The following UBR4 variants were observed in gnomAD, a reference collection of about 807,000 sequenced individuals.
The protein encoded by UBR4 is E3 ubiquitin-protein ligase UBR4.
In UBR4, 124 loss-of-function variants were observed where a neutral mutation model predicts 575.6. The ratio of observed to expected loss-of-function variants is 0.22; its 90% CI spans 0.19 to 0.25. The LOEUF (loss-of-function observed/expected upper bound fraction) is 0.25. Among genes scored for constraint, UBR4 ranks in the 10% least tolerant of loss-of-function variants. UBR4 has a pLI of 1.00. For missense variants in UBR4, 4,818 were observed against 6,478.8 expected (o/e 0.74, Z 8.80); for synonymous variants, 2,455 against 2,473.7 (o/e 0.99, Z 0.22).
At chr1:19,156,113 A>G (rs1179206699) in intron 42 of UBR4, among the ~76,000 whole-genome samples, 158 bp downstream of exon 42, 1 of 152,152 alleles carries the variant, frequency 6.6e-6, no homozygotes, top group Non-Finnish European at 1.5e-5. Context: ...AGCCTCAAGT[A>G]ATTCTCCACC....
At chr1:19,114,291 G>C (rs1266292163) in intron 75 of UBR4, among the ~76,000 whole-genome samples, 1 of 152,192 alleles carries the variant, frequency 6.6e-6, no homozygotes, top group Non-Finnish European at 1.5e-5. Context: ...ACAATGCTGA[G>C]AGAAGTAACT....
chr1:19,130,002 T>A lies in UBR4; in HGVS notation c.8907-928A>T, dbSNP rs547040965. 3.3e-5 allele frequency among the ~76,000 whole-genome samples: 5 copies of A among 152,288 alleles called. No homozygotes were observed. The East Asian group carries it at 9.6e-4, about 29-fold the overall frequency. ...TTAGCAGGTATCCAGAATATTGTCT[T>A]TTTCTTTTCTTAAAAACAAAATGTT... is the stretch of plus-strand genomic sequence containing the variant. On this transcript the variant is annotated intron_variant, in intron 60 of 105. Coordinates refer to ENST00000375254, the MANE Select transcript of UBR4 (RefSeq NM_020765.3).
chr1:19,191,733 G>A (rs1210000387), intron 11 of UBR4, among the ~76,000 whole-genome samples: 4 of 152,056 alleles, frequency 2.6e-5, no homozygotes, highest in Admixed American at 1.3e-4. Context: ...CTTAGAAAAC[G>A]AAACCTGAAC....
Position 19,128,979 on chromosome 1 carries a change from T to C in UBR4, c.9002A>G (p.Gln3001Arg), listed in dbSNP as rs929536268. Reference sequence around the variant, plus strand: ...AGATCCAGGTGAGCTAAGAGATACCTGCATGTATGGGATGGCCCGGACACC... The same window carrying C: ...AGATCCAGGTGAGCTAAGAGATACCCGCATGTATGGGATGGCCCGGACACC... ...VGGVRAIPYM[Q>R]VILMLTTDLD... The change falls in exon 61 of 106, where the codon CAG (glutamine) becomes CGG (arginine). Residue 3001 changes from glutamine (Q) to arginine (R), a missense_variant and splice_region_variant. Coordinates refer to ENST00000375254, the MANE Select transcript of UBR4 (RefSeq NM_020765.3). 1 of 1,613,924 alleles carries C rather than the reference T, an allele frequency of 6.2e-7. No homozygotes were observed. The highest frequency in any genetic ancestry group is 8.5e-7 in the Non-Finnish European group (1 of 1,179,832).
intron 1 of UBR4, among the ~76,000 whole-genome samples, chr1:19,203,181 G>A (rs2092831973): frequency 6.6e-6 from 1 of 152,100 alleles, no homozygotes; most frequent in Non-Finnish European, 1.5e-5. Context: ...TACTTAGTGA[G>A]TCAATCCCCA....
chr1:19,175,415 T>C (rs1376313109), intron 20 of UBR4, among the ~76,000 whole-genome samples: 1 of 152,174 alleles, frequency 6.6e-6, no homozygotes, highest in Non-Finnish European at 1.5e-5. Context: ...TAAACTTACA[T>C]GCTGTTTCCC....
chr1:19,128,850 A>C lies in UBR4; in HGVS notation c.9003+128T>G, dbSNP rs1570834640. On this transcript the variant is annotated intron_variant, in intron 61 of 105. Coordinates refer to ENST00000375254, the MANE Select transcript of UBR4 (RefSeq NM_020765.3). ...AAGAGCTATAATTTGTAGCTCAAAA[A>C]TTAGATTTCATTATTCTGTGGCCTA... The C allele has an allele frequency of 9.0e-6, 7 of 776,074 alleles. No homozygotes were observed. In the East Asian group the frequency reaches 1.8e-4, roughly 20 times the overall value. The allele number at this position is 776,074 out of a possible 1,614,324, so 48.1% of individuals were successfully genotyped here.
intron 49 of UBR4, among the ~76,000 whole-genome samples, chr1:19,149,079 AG>A (rs919562751): frequency 6.6e-6 from 1 of 152,212 alleles, no homozygotes; most frequent in African/African-American, 2.4e-5. Flanking sequence ...GGCATTTCCT[AG>A]GAGTCCCAAG....
intron 60 of UBR4, among the ~76,000 whole-genome samples, chr1:19,131,829 T>C (rs1464396570): frequency 6.6e-6 from 1 of 152,156 alleles, no homozygotes; most frequent in African/African-American, 2.4e-5. Flanking sequence ...GCCAAGATCA[T>C]GCCAATGCAC....
At chr1:19,162,738 T>G in intron 34 of UBR4, 127 bp from the exon 35 acceptor site, 1 of 1,186,666 alleles carries the variant, frequency 8.4e-7, no homozygotes, top group Non-Finnish European at 1.1e-6. Flanking sequence ...AGAAAAACAG[T>G]GTGTTTTTAT....
At chr1:19,116,475 T>C (rs763206339) in intron 73 of UBR4, among the ~76,000 whole-genome samples, 2 of 151,930 alleles carry the variant, frequency 1.3e-5, no homozygotes, top group Non-Finnish European at 2.9e-5. Context: ...GCAGCCTTCA[T>C]GGCCACGTGT....
intron 91 of UBR4, among the ~76,000 whole-genome samples, 178 bp from the exon 92 acceptor site, chr1:19,096,828 C>A (rs1570413564): frequency 6.6e-6 from 1 of 152,256 alleles, no homozygotes; most frequent in East Asian, 1.9e-4. Context: ...GTCCCACTCT[C>A]AGTAGGAGCT....
intron 81 of UBR4, 50 bp from the exon 82 acceptor site, chr1:19,107,016 G>A (rs1280118833): frequency 2.5e-6 from 4 of 1,601,352 alleles, no homozygotes; most frequent in African/African-American, 1.3e-5. Flanking sequence ...GCACACCTGA[G>A]CCATAGCCCC....
chr1:19,094,206 A>G, intron 94 of UBR4, 67 bp from the exon 95 acceptor site: 2 of 1,319,170 alleles, frequency 1.5e-6, no homozygotes, highest in Non-Finnish European at 2.1e-6. Context: ...CCAACATCTG[A>G]GCCCCAAAAG....
chr1:19,167,332 G>T, intron 28 of UBR4, 101 bp from the exon 29 acceptor site: 1 of 1,267,404 alleles, frequency 7.9e-7, no homozygotes, highest in Non-Finnish European at 1.1e-6. Context: ...AAGAGGGGAA[G>T]GGGAATTGCG....
At chr1:19,090,281 A>G (rs2077380674) in intron 97 of UBR4, among the ~76,000 whole-genome samples, 1 of 152,126 alleles carries the variant, frequency 6.6e-6, no homozygotes, top group Admixed American at 6.6e-5. Context: ...TCTCACTTCA[A>G]TTACGATAAA....
intron 97 of UBR4, among the ~76,000 whole-genome samples, chr1:19,092,097 A>G (rs2077571325): frequency 6.6e-6 from 1 of 152,024 alleles, no homozygotes; most frequent in Non-Finnish European, 1.5e-5. Flanking sequence ...GGCTTGTGGC[A>G]GGGGAGCAGG....
At position 19,187,254 on chromosome 1, in the gene UBR4, C is replaced by G. The variant is rs2091637039; in HGVS notation, c.1542G>C (p.Gln514His). 2 of 1,613,908 alleles carry G rather than the reference C, an allele frequency of 1.2e-6. No homozygotes were observed. The highest frequency in any genetic ancestry group is 3.3e-5 in the Admixed American group (2 of 59,988). ...GPPAALSIMA[Q>H]STSIQRIQRL... ...GTTGAATCCTCTGTATGGAGGTGCT[C>G]TGGGCCATAATGCTCAAGGCTGCAG... The change falls in exon 13 of 106, where the codon CAG (glutamine) becomes CAC (histidine). Residue 514 changes from glutamine to histidine, a missense_variant. Physicochemically the swap from Gln to His is conservative, Grantham distance 24. This residue lies in a region of UBR4 where 162 missense variants were observed against 216.4 expected (regional missense o/e 0.75). Transcript: ENST00000375254.
At chr1:19,116,539 T>C (rs16862544) in intron 73 of UBR4, among the ~76,000 whole-genome samples, 213 of 152,304 alleles carry the variant, frequency 1.4e-3, no homozygotes, top group Admixed American at 0.012. Context: ...AATACTTCCA[T>C]CCTGTGTGCA....
Sources: allele counts gnomAD v4.1 joint callset (sites outside exome capture counted in the v4.1 genomes callset), GRCh38; gene constraint gnomAD v4.1.1; regional missense constraint gnomAD v4.1.1; transcripts MANE v1.5; gene names NCBI Gene and HGNC (gene_info 2026-07-23, HGNC 2026-07-21).